FBXO7: variants seen among roughly 807,000 people sequenced by gnomAD.
FBXO7 encodes F-box only protein 7.
Under a neutral mutation model 50.2 loss-of-function variants are expected in FBXO7, and 31 were observed. That is an observed-to-expected ratio of 0.62 (90% CI 0.46 to 0.83). The LOEUF is 0.83. Among genes scored for constraint, FBXO7 ranks in the 40% least tolerant of loss-of-function variants. The pLI, the probability that FBXO7 is intolerant of heterozygous loss-of-function variation, is 0.00. For synonymous variants in FBXO7, 256 were observed against 253.1 expected (o/e 1.01, Z -0.11); for missense variants, 667 against 646.6 (o/e 1.03, Z -0.34).
chr22:32,475,255 C>CG lies in FBXO7; in HGVS notation c.122+138dup, dbSNP rs766012238. 407 of 1,547,796 alleles carry CG rather than the reference C, an allele frequency of 2.6e-4. 2 individuals are homozygous for CG. Among genetic ancestry groups the CG allele is most frequent in the East Asian group, 2.2e-3 (92 of 41,764 alleles). On this transcript the variant is annotated intron_variant, in intron 1 of 8. Coordinates refer to ENST00000266087, the MANE Select transcript of FBXO7 (RefSeq NM_012179.4). ...GGCGATAGGCCAAGTGCGGGGACGC[C>CG]GGGGGGGCCTTCACGGGAGGCCCGG...
chr22:32,484,261 C>T (rs775586796), intron 3 of FBXO7, 137 bp downstream of exon 3: 2 of 748,482 alleles, frequency 2.7e-6, no homozygotes, highest in Non-Finnish European at 4.8e-6. Flanking sequence ...TGGTGAAGTT[C>T]TGGGAGAAAC....
chr22:32,480,761 C>A (rs528844263), intron 2 of FBXO7, among the ~76,000 whole-genome samples: 1 of 152,024 alleles, frequency 6.6e-6, no homozygotes, highest in African/African-American at 2.4e-5. Flanking sequence ...CCCTACCCTT[C>A]CGGGGTCAAG....
At chr22:32,475,242 A>G in intron 1 of FBXO7, 118 bp downstream of exon 1, 1 of 1,535,980 alleles carries the variant, frequency 6.5e-7, no homozygotes, top group Non-Finnish European at 8.7e-7. Flanking sequence ...CGATAGGCCA[A>G]GTGCGGGGAC....
At chr22:32,493,047 AG>A (rs1236349076) in intron 6 of FBXO7, 57 bp from the exon 7 acceptor site, 1 of 1,540,986 alleles carries the variant, frequency 6.5e-7, no homozygotes, top group South Asian at 1.1e-5. Flanking sequence ...GACTATGTGG[AG>A]AAAGCCAGAT....
intron 1 of FBXO7, among the ~76,000 whole-genome samples, chr22:32,478,489 C>T (rs2057442833): frequency 6.6e-6 from 1 of 152,120 alleles, no homozygotes; most frequent in Admixed American, 6.5e-5. Flanking sequence ...TATCCCGTCC[C>T]CCAGGTGGAG....
chr22:32,486,618 TGAACCATGCCTGGC>T (rs2057500545), intron 4 of FBXO7, among the ~76,000 whole-genome samples: 1 of 152,218 alleles, frequency 6.6e-6, no homozygotes, highest in Non-Finnish European at 1.5e-5. Flanking sequence ...ATTACAGGTG[TGAACCATGCCTGGC>T]CTCTTACGAA....
chr22:32,482,612 T>C (rs1330492053), intron 2 of FBXO7, among the ~76,000 whole-genome samples: 1 of 152,238 alleles, frequency 6.6e-6, no homozygotes, highest in Non-Finnish European at 1.5e-5. Flanking sequence ...GATTATGTTA[T>C]TTAATCTTTC....
In FBXO7 at chr22:32,484,406, C is replaced by T. The variant is rs147299941; in HGVS notation, c.645+282C>T. Among the ~76,000 whole-genome samples the T allele has an allele frequency of 2.4e-3, 364 of 152,218 alleles. 3 individuals are homozygous for T. Among genetic ancestry groups the T allele is most frequent in the Middle Eastern group, 0.02 (6 of 294 alleles). ...CTGATTTAGTAACTGTAGAATGGAC[C>T]GTGAACTTCTTCATACTCCTGCATA... On this transcript the variant is annotated intron_variant, in intron 3 of 8. Transcript: ENST00000266087.
chr22:32,475,479 C>G, intron 1 of FBXO7: 2 of 1,560,952 alleles, frequency 1.3e-6, no homozygotes, highest in Middle Eastern at 1.7e-4. Flanking sequence ...GGTTAGATTT[C>G]AAGTTGGAAA....
chr22:32,491,280 G>A, intron 6 of FBXO7, 99 bp downstream of exon 6: 1 of 850,844 alleles, frequency 1.2e-6, no homozygotes, highest in Non-Finnish European at 2.0e-6. Context: ...CCTCTTTTCT[G>A]CTCCTGGCGA....
chr22:32,480,394 C>T (rs1001406481), intron 2 of FBXO7, among the ~76,000 whole-genome samples: 5 of 152,084 alleles, frequency 3.3e-5, no homozygotes, highest in African/African-American at 1.2e-4. Context: ...ACTGTCATCT[C>T]CAATCAGAAC....
chr22:32,478,597 A>G (rs889018113), intron 1 of FBXO7, among the ~76,000 whole-genome samples: 2 of 152,294 alleles, frequency 1.3e-5, no homozygotes, highest in Non-Finnish European at 2.9e-5. Context: ...ATGCGTGCCT[A>G]TAGTCCTAGC....
chr22:32,493,118 A>G lies in FBXO7; in HGVS notation c.981A>G (p.Pro327=). ...LAFTRQALNL[P]DVFGLVVLPL... ...TTTTCCTTTTAGCACTGAACCTACC[A>G]GATGTATTTGGGTTGGTCGTCCTCC... is the stretch of plus-strand genomic sequence containing the variant. The change falls in exon 7 of 9, where the codon CCA becomes CCG. Residue 327 remains proline, a synonymous_variant. Transcript: ENST00000266087. 1 of 1,614,152 alleles carries G rather than the reference A, an allele frequency of 6.2e-7. No homozygotes were observed. Among genetic ancestry groups the G allele is most frequent in the African/African-American group, 1.3e-5 (1 of 75,056 alleles).
intron 2 of FBXO7, among the ~76,000 whole-genome samples, chr22:32,481,027 A>G (rs2057461287): frequency 6.6e-6 from 1 of 152,104 alleles, no homozygotes; most frequent in African/African-American, 2.4e-5. Context: ...TTTAATACCA[A>G]TACACATGCC....
In FBXO7 at chr22:32,474,951, C is replaced by T. The variant is rs2057415959; in HGVS notation, c.-52C>T. On this transcript the variant is annotated 5_prime_UTR_variant, in exon 1 of 9. Transcript: ENST00000266087. ...GGCGGGAGCTGCTCGGCCCCGCCGC[C>T]GTCCCCGTCGCCGCTTCCGGGTCCA... 6.7e-7 allele frequency: 1 copy of T among 1,497,124 alleles called. No homozygotes were observed. The highest frequency in any genetic ancestry group is 8.9e-7 in the Non-Finnish European group (1 of 1,125,538). 92.7% of individuals were successfully genotyped at this position (1,497,124 alleles called of 1,614,324 possible).
At chr22:32,475,165 G>C (rs931934705) in intron 1 of FBXO7, 41 bp downstream of exon 1, 27 of 1,526,640 alleles carry the variant, frequency 1.8e-5, no homozygotes, top group Non-Finnish European at 2.3e-5. Flanking sequence ...GGGGAGTGGG[G>C]AGTGCTTGGG....
chr22:32,484,476 A>G (rs530834186), intron 3 of FBXO7, among the ~76,000 whole-genome samples: 1 of 152,324 alleles, frequency 6.6e-6, no homozygotes, highest in Admixed American at 6.5e-5. Flanking sequence ...AGTTACAAAG[A>G]TACAGAGTAG....
intron 6 of FBXO7, 22 bp downstream of exon 6, chr22:32,491,203 C>A (rs1352340972): frequency 5.5e-6 from 8 of 1,459,174 alleles, no homozygotes; most frequent in Non-Finnish European, 7.7e-6. Flanking sequence ...AATACTGTCA[C>A]AATTTAAATG....
chr22:32,485,175 C>T lies in FBXO7; in HGVS notation c.753C>T (p.Thr251=). ...PLCEGSSATL[T]CVPLGNLIVV... Reference sequence around the variant, plus strand: ...GCGAGGGCAGCTCCGCTACTCTCACCTGTGTGCCTTTGGGAAACCTGATTG... The same window carrying T: ...GCGAGGGCAGCTCCGCTACTCTCACTTGTGTGCCTTTGGGAAACCTGATTG... The change falls in exon 4 of 9, where the codon ACC becomes ACT. Residue 251 remains threonine, a synonymous_variant. Transcript: ENST00000266087. 1.9e-6 allele frequency: 3 copies of T among 1,614,170 alleles called. No homozygotes were observed. The highest frequency in any genetic ancestry group is 2.5e-6 in the Non-Finnish European group (3 of 1,180,018).
Sources: allele counts gnomAD v4.1 joint callset (sites outside exome capture counted in the v4.1 genomes callset), GRCh38; gene constraint gnomAD v4.1.1; transcripts MANE v1.5; gene names NCBI Gene and HGNC (gene_info 2026-07-23, HGNC 2026-07-21).